The following ERC2 variants were observed in gnomAD, a reference collection of about 807,000 sequenced individuals.
The protein encoded by ERC2 is ELKS/RAB6-interacting/CAST family member 2.
In ERC2, 42 loss-of-function variants were observed where a neutral mutation model predicts 114.8. The observed-to-expected ratio is 0.37, with a 90% CI of 0.29 to 0.47. The LOEUF (loss-of-function observed/expected upper bound fraction) is 0.47, where lower values mean the gene tolerates loss of function less well. Ranked by LOEUF, ERC2 falls within the 20% of genes least tolerant of loss-of-function variation. The probability of loss-of-function intolerance (pLI) is 0.99; values close to 1 mark genes in which losing one functional copy is unlikely to be tolerated. For synonymous variants in ERC2, 454 were observed against 425.5 expected (o/e 1.07, Z -0.82); for missense variants, 939 against 1,150.7 (o/e 0.82, Z 2.66).
chr3:55,729,867 T>TAAAAAAAAAAAAA (rs2065148489), intron 15 of ERC2, among the ~76,000 whole-genome samples: 1 of 42,012 alleles, frequency 2.4e-5, no homozygotes, highest in African/African-American at 1.1e-4. Context: ...AAAAAAAAAT[T>TAAAAAAAAAAAAA]GTAAGCTACA....
chr3:55,583,516 CCTCCCTCCCTTCCTTCCTTCCTTCCTTT>C (rs1209896715), intron 17 of ERC2, among the ~76,000 whole-genome samples: 24 of 62,092 alleles, frequency 3.9e-4, no homozygotes, highest in South Asian at 1.0e-3. Flanking sequence ...TCCCTCCCTC[CCTCCCTCCCTTCCTTCCTTCCTTCCTTT>C]CTTCCTTCCT....
intron 2 of ERC2, among the ~76,000 whole-genome samples, chr3:56,338,727 G>A (rs541342175): frequency 1.3e-5 from 2 of 152,194 alleles, no homozygotes; most frequent in Non-Finnish European, 2.9e-5. Flanking sequence ...ACTGTTCTGA[G>A]GGGGGAATAT....
intron 10 of ERC2, among the ~76,000 whole-genome samples, chr3:56,005,952 C>G (rs1371584428): frequency 6.6e-6 from 1 of 152,008 alleles, no homozygotes; most frequent in Non-Finnish European, 1.5e-5. Flanking sequence ...TTTAAACACC[C>G]TCAAATGGGC....
chr3:56,022,083 T>C (rs1203787743), intron 7 of ERC2, among the ~76,000 whole-genome samples: 1 of 152,190 alleles, frequency 6.6e-6, no homozygotes, highest in Admixed American at 6.5e-5. Context: ...ACTGGGTATA[T>C]ACCCAGTAAT....
intron 17 of ERC2, among the ~76,000 whole-genome samples, chr3:55,596,644 GAC>G (rs1429258166): frequency 6.6e-6 from 1 of 152,128 alleles, no homozygotes; most frequent in Non-Finnish European, 1.5e-5. Flanking sequence ...ATGGAAAATG[GAC>G]CAGTGACACA....
intron 6 of ERC2, among the ~76,000 whole-genome samples, chr3:56,104,876 C>T (rs1209505700): frequency 6.6e-6 from 1 of 151,986 alleles, no homozygotes; most frequent in Non-Finnish European, 1.5e-5. Context: ...AAGCGCTAAA[C>T]GTAGTAAATA....
intron 17 of ERC2, among the ~76,000 whole-genome samples, chr3:55,634,880 C>T (rs1326960454): frequency 2.3e-5 from 3 of 130,052 alleles, no homozygotes; most frequent in African/African-American, 8.0e-5. Context: ...ACCTGTCTCA[C>T]TTTATTATTT....
At position 55,864,097 on chromosome 3, in the gene ERC2, G is replaced by GTATA. The variant is rs10548129; in HGVS notation, c.2564+24288_2564+24291dup. 8.3e-4 allele frequency among the ~76,000 whole-genome samples: 110 copies of GTATA among 132,590 alleles called. No homozygotes were observed. The South Asian group carries it at 0.02, about 24-fold the overall frequency. The allele number at this position is 132,590 out of a possible 152,430, so 87.0% of individuals were successfully genotyped here. A position where few individuals can be genotyped will look rare whatever the true frequency, so the allele number is the denominator to read the frequency against. Reference sequence around the variant, plus strand: ...TGCAGAAGACATAAATCAGCAGCAGGTATATATATATATATATATATACAC... The same window carrying GTATA: ...TGCAGAAGACATAAATCAGCAGCAGGTATATATATATATATATATATATATACAC... On this transcript the variant is annotated intron_variant, in intron 14 of 17. Transcript: ENST00000288221.
chr3:55,651,445 TC>T (rs1375532479), intron 17 of ERC2, among the ~76,000 whole-genome samples: 1 of 152,200 alleles, frequency 6.6e-6, no homozygotes, highest in Non-Finnish European at 1.5e-5. Flanking sequence ...AAGAGAAACA[TC>T]ATCTGGAAGC....
chr3:56,379,839 A>G (rs1290638019), intron 2 of ERC2, among the ~76,000 whole-genome samples: 1 of 152,200 alleles, frequency 6.6e-6, no homozygotes, highest in Non-Finnish European at 1.5e-5. Context: ...AGAATTAAGA[A>G]CTAACTAAAA....
At chr3:56,074,669 C>A (rs1576818748) in intron 7 of ERC2, among the ~76,000 whole-genome samples, 1 of 152,078 alleles carries the variant, frequency 6.6e-6, no homozygotes, top group East Asian at 1.9e-4. Flanking sequence ...TTTTACCTTC[C>A]TAGGGTAATA....
chr3:56,136,704 C>T (rs1317211948), intron 6 of ERC2, among the ~76,000 whole-genome samples: 3 of 152,110 alleles, frequency 2.0e-5, no homozygotes, highest in Admixed American at 1.3e-4. Context: ...AATCCTCTGC[C>T]CACAATCCAA....
At chr3:56,365,930 T>C (rs573696691) in intron 2 of ERC2, among the ~76,000 whole-genome samples, 1 of 152,296 alleles carries the variant, frequency 6.6e-6, no homozygotes, top group Admixed American at 6.5e-5. Context: ...GGAGTTCATA[T>C]TTACTGAGAG....
intron 14 of ERC2, among the ~76,000 whole-genome samples, chr3:55,774,935 T>G (rs529273474): frequency 1.1e-4 from 16 of 152,238 alleles, no homozygotes; most frequent in Non-Finnish European, 2.4e-4. Flanking sequence ...CATTAAACTT[T>G]AAATTGTTAC....
At chr3:56,026,059 T>G (rs1455667578) in intron 7 of ERC2, among the ~76,000 whole-genome samples, 1 of 53,762 alleles carries the variant, frequency 1.9e-5, no homozygotes, top group Non-Finnish European at 4.8e-5. Context: ...GTTTCTTTCT[T>G]TTTTTTTTTT....
At chr3:55,893,646 T>C (rs1027492102) in intron 13 of ERC2, among the ~76,000 whole-genome samples, 1 of 152,162 alleles carries the variant, frequency 6.6e-6, no homozygotes, top group Non-Finnish European at 1.5e-5. Flanking sequence ...TTCTCAGTCA[T>C]TCCTGTTTAA....
intron 7 of ERC2, among the ~76,000 whole-genome samples, chr3:56,055,843 T>C (rs1284823309): frequency 1.3e-5 from 2 of 152,212 alleles, no homozygotes; most frequent in Non-Finnish European, 2.9e-5. Context: ...AATTGCCACA[T>C]TGTGGTTGGT....
At chr3:56,276,842 A>G (rs2054033582) in intron 3 of ERC2, among the ~76,000 whole-genome samples, 1 of 152,212 alleles carries the variant, frequency 6.6e-6, no homozygotes, top group Non-Finnish European at 1.5e-5. Flanking sequence ...AAAAACACAC[A>G]CATACACACA....
chr3:55,983,123 G>A (rs1347761580), intron 12 of ERC2, among the ~76,000 whole-genome samples: 1 of 152,160 alleles, frequency 6.6e-6, no homozygotes, highest in East Asian at 1.9e-4. Flanking sequence ...TCCAAGAGGG[G>A]ACACTGAGGC....
Sources: allele counts gnomAD v4.1 joint callset (sites outside exome capture counted in the v4.1 genomes callset), GRCh38; gene constraint gnomAD v4.1.1; transcripts MANE v1.5; gene names NCBI Gene and HGNC (gene_info 2026-07-23, HGNC 2026-07-21).